Variants in MSRA observed in about 807,000 individuals in gnomAD.
MSRA encodes mitochondrial peptide methionine sulfoxide reductase.
In MSRA, 54 loss-of-function variants were observed where a neutral mutation model predicts 31.3. The ratio of observed to expected loss-of-function variants is 1.73; its 90% CI spans 1.39 to 2.17. The LOEUF is 2.17. Ranked by LOEUF, MSRA falls within the 30% of genes most tolerant of loss-of-function variation. MSRA has a pLI of 0.00. For synonymous variants in MSRA, 169 were observed against 116.5 expected, an observed-to-expected ratio of 1.45 and a Z score of -2.90; for missense variants, 507 against 300.9, an observed-to-expected ratio of 1.69 and a Z score of -5.07.
chr8:10,340,729 C>T (rs1219006443), intron 5 of MSRA, among the ~76,000 whole-genome samples: 1 of 152,188 alleles, frequency 6.6e-6, no homozygotes, highest in African/African-American at 2.4e-5. Flanking sequence ...TGTTTTGATT[C>T]AATTCAAAAG....
Position 10,100,045 on chromosome 8 carries a change from C to A in MSRA, c.142+45387C>A, listed in dbSNP as rs540750883. On this transcript the variant is annotated intron_variant, in intron 1 of 5. Coordinates refer to ENST00000317173, the MANE Select transcript of MSRA (RefSeq NM_012331.5). The stretch of plus-strand genomic sequence containing the variant: ...AGTTGTGCAGAGTTGAGGGCGCTGC[C>A]CAGCAAGCAGCTTCAGTCCTGTTGT... Among the ~76,000 whole-genome samples the A allele has an allele frequency of 7.2e-5, 11 of 152,222 alleles. No individual in the cohort carries two copies. The South Asian group carries it at 1.0e-3, about 14-fold the overall frequency.
At chr8:10,304,804 C>G (rs149824603) in intron 4 of MSRA, among the ~76,000 whole-genome samples, 2 of 152,310 alleles carry the variant, frequency 1.3e-5, no homozygotes, top group Non-Finnish European at 2.9e-5. Context: ...ACTGTTCTTA[C>G]TCAGAAAATG....
chr8:10,359,266 A>C (rs1181788216), intron 5 of MSRA, among the ~76,000 whole-genome samples: 2 of 151,860 alleles, frequency 1.3e-5, no homozygotes, highest in East Asian at 3.9e-4. Context: ...TCTTTCTCTG[A>C]GTTCCTTCTT....
At chr8:10,054,739 C>G (rs982988329) in intron 1 of MSRA, 81 bp downstream of exon 1, 16 of 1,351,298 alleles carry the variant, frequency 1.2e-5, no homozygotes, top group Middle Eastern at 4.3e-4. Context: ...GCCCGCTGCC[C>G]GGAAGGAAGC....
In MSRA at chr8:10,200,557, G is replaced by T. The variant is rs544616069; in HGVS notation, c.143-7276G>T. On this transcript the variant is annotated intron_variant, in intron 1 of 5. Coordinates refer to ENST00000317173, the MANE Select transcript of MSRA (RefSeq NM_012331.5). ...GCTGCTGGTTGTCGCTTGCCTTCCA[G>T]GTCAGGGAGGAGCACTGGGAATTCC... Among the ~76,000 whole-genome samples, 245 of 152,280 alleles carry T rather than the reference G, an allele frequency of 1.6e-3. 3 individuals carry two copies. Among genetic ancestry groups the T allele is most frequent in the Non-Finnish European group, 1.9e-3 (128 of 68,022 alleles).
At chr8:10,408,031 C>T (rs1196690633) in intron 5 of MSRA, among the ~76,000 whole-genome samples, 2 of 152,162 alleles carry the variant, frequency 1.3e-5, no homozygotes, top group East Asian at 1.9e-4. Context: ...TGACAAGCTT[C>T]GACACCACAT....
intron 4 of MSRA, among the ~76,000 whole-genome samples, chr8:10,319,631 A>G (rs775927995): frequency 2.6e-5 from 4 of 151,510 alleles, no homozygotes; most frequent in Admixed American, 2.6e-4. Flanking sequence ...ATCTAGTATG[A>G]TCCAAGACCT....
intron 2 of MSRA, among the ~76,000 whole-genome samples, chr8:10,230,633 T>C (rs1398968627): frequency 6.6e-6 from 1 of 152,212 alleles, no homozygotes; most frequent in Non-Finnish European, 1.5e-5. Flanking sequence ...TTTGAAAAAC[T>C]TCTTTTGACA....
chr8:10,121,160 T>G (rs2129017936), intron 1 of MSRA, among the ~76,000 whole-genome samples: 1 of 152,256 alleles, frequency 6.6e-6, no homozygotes, highest in East Asian at 1.9e-4. Context: ...TTGTCGATGG[T>G]AGGCAAAAAA....
chr8:10,369,016 G>A (rs1190271623), intron 5 of MSRA, among the ~76,000 whole-genome samples: 1 of 152,144 alleles, frequency 6.6e-6, no homozygotes, highest in Non-Finnish European at 1.5e-5. Flanking sequence ...GAAACAATAG[G>A]CCTGAAGTCC....
At chr8:10,268,743 T>C (rs55976349) in intron 3 of MSRA, among the ~76,000 whole-genome samples, 13,974 of 152,342 alleles carry the variant, frequency 0.092, 855 homozygotes, top group Non-Finnish European at 0.15. Context: ...AGGTTTCTTT[T>C]GAGCAGGGCT....
chr8:10,266,506 T>C (rs1029625622), intron 3 of MSRA, among the ~76,000 whole-genome samples: 2 of 152,206 alleles, frequency 1.3e-5, no homozygotes, highest in African/African-American at 4.8e-5. Flanking sequence ...ACATAATGAT[T>C]TGCAAATATT....
At chr8:10,315,101 T>C (rs1055049880) in intron 4 of MSRA, among the ~76,000 whole-genome samples, 20 of 151,980 alleles carry the variant, frequency 1.3e-4, no homozygotes, top group Non-Finnish European at 2.9e-5. Flanking sequence ...TATAAAACCA[T>C]CAGATCTCAT....
intron 5 of MSRA, among the ~76,000 whole-genome samples, chr8:10,425,597 C>T (rs1278433321): frequency 2.6e-5 from 4 of 152,246 alleles, no homozygotes; most frequent in African/African-American, 7.2e-5. Context: ...ATCTCAGACA[C>T]AGGCAGGCTG....
chr8:10,159,334 T>G (rs1465715309), intron 1 of MSRA, among the ~76,000 whole-genome samples: 1 of 152,100 alleles, frequency 6.6e-6, no homozygotes, highest in East Asian at 1.9e-4. Flanking sequence ...TGAGTTTGCA[T>G]TTACTATCAA....
chr8:10,080,847 C>G (rs1798256770), intron 1 of MSRA, among the ~76,000 whole-genome samples: 1 of 152,094 alleles, frequency 6.6e-6, no homozygotes, highest in African/African-American at 2.4e-5. Context: ...CCTTGGCAGC[C>G]TCATCTTGAG....
intron 1 of MSRA, among the ~76,000 whole-genome samples, chr8:10,200,697 C>G (rs560282758): frequency 6.6e-6 from 1 of 152,160 alleles, no homozygotes; most frequent in South Asian, 2.1e-4. Context: ...ATAGAACATG[C>G]TGCTATTGGG....
intron 1 of MSRA, among the ~76,000 whole-genome samples, chr8:10,119,794 A>AGG (rs1336707648): frequency 3.3e-5 from 5 of 152,170 alleles, no homozygotes; most frequent in Non-Finnish European, 5.9e-5. Flanking sequence ...TGGTGTACAA[A>AGG]GGGACTACCT....
At chr8:10,382,760 A>G (rs1228573286) in intron 5 of MSRA, among the ~76,000 whole-genome samples, 2 of 152,218 alleles carry the variant, frequency 1.3e-5, no homozygotes, top group Non-Finnish European at 2.9e-5. Context: ...TCTTCTCCTT[A>G]GTCATGGAAG....
Sources: gnomAD v4.1 joint callset for allele counts (sites outside exome capture counted in the v4.1 genomes callset) on GRCh38, gnomAD v4.1.1 for gene constraint, MANE v1.5 for transcripts, NCBI Gene and HGNC (gene_info 2026-07-23, HGNC 2026-07-21) for gene names.